PTPRD: variants seen among roughly 807,000 people sequenced by gnomAD.
PTPRD encodes the protein receptor-type tyrosine-protein phosphatase delta.
Under a neutral mutation model 214.5 loss-of-function variants are expected in PTPRD, and 34 were observed. That is an observed-to-expected ratio of 0.16 (90% CI 0.12 to 0.21). The LOEUF (loss-of-function observed/expected upper bound fraction) is 0.21, where lower values mean the gene tolerates loss of function less well. Among genes scored for constraint, PTPRD ranks in the 10% least tolerant of loss-of-function variants. The pLI, the probability that PTPRD is intolerant of heterozygous loss-of-function variation, is 1.00. For missense variants in PTPRD, 2,545 were observed against 2,398.7 expected, an observed-to-expected ratio of 1.06 and a Z score of -1.27; for synonymous variants, 1,128 against 845.7, an observed-to-expected ratio of 1.33 and a Z score of -5.79.
At chr9:9,310,755 T>C (rs957450741) in intron 9 of PTPRD, among the ~76,000 whole-genome samples, 9 of 151,766 alleles carry the variant, frequency 5.9e-5, no homozygotes, top group Non-Finnish European at 8.8e-5. Context: ...CCGTCTCTAC[T>C]AAAAATACAA....
At chr9:8,477,513 G>C (rs1331601587) in intron 30 of PTPRD, among the ~76,000 whole-genome samples, 1 of 152,128 alleles carries the variant, frequency 6.6e-6, no homozygotes, top group Non-Finnish European at 1.5e-5. Context: ...ATTCAGTCAG[G>C]CTTTTTGTGT....
At chr9:8,469,406 C>T (rs1280375509) in intron 31 of PTPRD, among the ~76,000 whole-genome samples, 2 of 151,928 alleles carry the variant, frequency 1.3e-5, no homozygotes, top group East Asian at 3.9e-4. Flanking sequence ...ATAGGTAGAA[C>T]AATTCATAGA....
intron 12 of PTPRD, among the ~76,000 whole-genome samples, chr9:8,682,487 C>T (rs950109726): frequency 2.0e-5 from 3 of 149,202 alleles, no homozygotes; most frequent in African/African-American, 7.6e-5. Context: ...ATTAAAAACC[C>T]CTGTGGTACA....
At chr9:10,053,098 C>T (rs573248139) in intron 3 of PTPRD, among the ~76,000 whole-genome samples, 118 of 151,980 alleles carry the variant, frequency 7.8e-4, no homozygotes, top group Admixed American at 7.6e-3. Context: ...AATGTTTTGC[C>T]CTTGAGATGC....
intron 7 of PTPRD, among the ~76,000 whole-genome samples, chr9:9,639,162 G>A (rs1202633130): frequency 6.6e-6 from 1 of 152,006 alleles, no homozygotes; most frequent in Non-Finnish European, 1.5e-5. Flanking sequence ...CTTTGATTTG[G>A]GGTCTGCAAG....
intron 4 of PTPRD, among the ~76,000 whole-genome samples, chr9:10,008,007 A>G (rs1193037006): frequency 6.6e-6 from 1 of 152,048 alleles, no homozygotes; most frequent in Admixed American, 6.6e-5. Flanking sequence ...TAAGTTTATA[A>G]AGTAATAAAC....
At chr9:8,867,810 T>C (rs1394229413) in intron 11 of PTPRD, among the ~76,000 whole-genome samples, 1 of 152,214 alleles carries the variant, frequency 6.6e-6, no homozygotes, top group African/African-American at 2.4e-5. Context: ...TTGTAAAATC[T>C]TTATGGAAAA....
At chr9:10,014,873 C>G (rs1215471766) in intron 4 of PTPRD, among the ~76,000 whole-genome samples, 1 of 152,050 alleles carries the variant, frequency 6.6e-6, no homozygotes, top group African/African-American at 2.4e-5. Flanking sequence ...ATTGAAGAGA[C>G]TTACTGCCCC....
chr9:9,574,467 T>G (rs1298573946), intron 8 of PTPRD, among the ~76,000 whole-genome samples: 1 of 152,028 alleles, frequency 6.6e-6, no homozygotes, highest in East Asian at 1.9e-4. Context: ...AAGAACAGTT[T>G]TCAGTGGTAT....
chr9:10,481,401 T>A (rs1038433828), intron 2 of PTPRD, among the ~76,000 whole-genome samples: 11 of 152,186 alleles, frequency 7.2e-5, no homozygotes, highest in African/African-American at 7.2e-5. Flanking sequence ...TCATATTGAA[T>A]ATAAAAACAT....
chr9:9,486,942 G>A (rs929185232), intron 8 of PTPRD, among the ~76,000 whole-genome samples: 1 of 152,030 alleles, frequency 6.6e-6, no homozygotes, highest in African/African-American at 2.4e-5. Flanking sequence ...CCTTGCAAAT[G>A]GCAAGTTCTC....
At chr9:10,005,851 A>T (rs1417192331) in intron 4 of PTPRD, among the ~76,000 whole-genome samples, 1 of 152,134 alleles carries the variant, frequency 6.6e-6, no homozygotes, top group East Asian at 1.9e-4. Flanking sequence ...ATTAGATATA[A>T]AAGAACAAAA....
intron 3 of PTPRD, among the ~76,000 whole-genome samples, chr9:10,152,558 G>T (rs781275859): frequency 6.6e-6 from 1 of 152,164 alleles, no homozygotes; most frequent in African/African-American, 2.4e-5. Flanking sequence ...AGGTGTGGTG[G>T]CTCACGCTTG....
chr9:9,643,834 A>G (rs1013556125), intron 7 of PTPRD, among the ~76,000 whole-genome samples: 3 of 152,138 alleles, frequency 2.0e-5, no homozygotes, highest in African/African-American at 7.2e-5. Context: ...AACATAATAA[A>G]TCCTAGTTTT....
intron 12 of PTPRD, among the ~76,000 whole-genome samples, chr9:8,681,305 A>G (rs947257748): frequency 6.6e-6 from 1 of 152,230 alleles, no homozygotes; most frequent in African/African-American, 2.4e-5. Flanking sequence ...CTTAAAGAAC[A>G]TGCTTACTAA....
In PTPRD at chr9:8,330,935, G is replaced by C. The variant is rs551219013; in HGVS notation, c.5534+647C>G. On this transcript the variant is annotated intron_variant, in intron 44 of 45. Transcript: ENST00000381196. ...AAAATTAGATGAATTGCTTTTGTTA[G>C]AAGGTTTTTGCATAGCAACTTCCAA... Among the ~76,000 whole-genome samples the C allele has an allele frequency of 4.1e-4, 63 of 152,084 alleles. No individual in the cohort carries two copies. The South Asian group carries it at 0.013, about 31-fold the overall frequency.
At chr9:10,568,281 G>A (rs1471653771) in intron 2 of PTPRD, among the ~76,000 whole-genome samples, 3 of 151,930 alleles carry the variant, frequency 2.0e-5, no homozygotes, top group Admixed American at 1.3e-4. Context: ...CCATGTCCCT[G>A]CAAAGGACAC....
chr9:9,281,126 C>T (rs1947537489), intron 9 of PTPRD, among the ~76,000 whole-genome samples: 1 of 150,956 alleles, frequency 6.6e-6, no homozygotes, highest in African/African-American at 2.4e-5. Context: ...AAACATAGAC[C>T]TAAAATTAAA....
chr9:8,884,088 A>G (rs900207377), intron 11 of PTPRD, among the ~76,000 whole-genome samples: 1 of 152,178 alleles, frequency 6.6e-6, no homozygotes, highest in Non-Finnish European at 1.5e-5. Context: ...TTACCAAAGG[A>G]GTAATTGAGG....
Sources: gnomAD v4.1 joint callset for allele counts (sites outside exome capture counted in the v4.1 genomes callset) on GRCh38, gnomAD v4.1.1 for gene constraint, MANE v1.5 for transcripts, NCBI Gene and HGNC (gene_info 2026-07-23, HGNC 2026-07-21) for gene names.